UGGT1: variants seen among roughly 807,000 people sequenced by gnomAD.
UGGT1 encodes UDP-glucose glycoprotein glucosyltransferase 1, also known as UDP-glucose:glycoprotein glucosyltransferase 1.
Under a neutral mutation model 203.9 loss-of-function variants are expected in UGGT1, and 107 were observed. The ratio of observed to expected loss-of-function variants is 0.52; its 90% CI spans 0.45 to 0.62. UGGT1 has a LOEUF of 0.62. UGGT1 is among the 20% of genes least tolerant of loss of function. UGGT1 has a pLI of 0.00. For missense variants in UGGT1, 1,673 were observed against 1,867.2 expected, an observed-to-expected ratio of 0.90 and a Z score of 1.92; for synonymous variants, 628 against 653.5, an observed-to-expected ratio of 0.96 and a Z score of 0.59.
intron 28 of UGGT1, chr2:128,171,527 AGAT>A: frequency 2.2e-6 from 1 of 461,200 alleles, no homozygotes; most frequent in Non-Finnish European, 3.9e-6. Context: ...CTTTTTTTCG[AGAT>A]GGAGTCTCGC....
In UGGT1 at chr2:128,190,533, C is replaced by G. The variant is rs1424486428; in HGVS notation, c.*791C>G. The G allele has an allele frequency of 6.6e-6, 1 of 152,198 alleles. No individual in the cohort carries two copies. The highest frequency in any genetic ancestry group is 2.4e-5 in the African/African-American group (1 of 41,442). The allele number at this position is 152,198 out of a possible 1,614,324, so 9.4% of individuals were successfully genotyped here. On this transcript the variant is annotated 3_prime_UTR_variant, in exon 41 of 41. Transcript: ENST00000259253. ...TCCCCACCCAACCGCAGTGAACTTT[C>G]TAGGTAATTGTTTTGAAAACAATTT...
intron 2 of UGGT1, 148 bp downstream of exon 2, chr2:128,097,712 C>T (rs1435490008): frequency 1.9e-6 from 2 of 1,065,968 alleles, no homozygotes; most frequent in Admixed American, 2.7e-5. Flanking sequence ...ATGTATTGTA[C>T]AAAGGCTGTT....
At chr2:128,123,141 T>A (rs769470941) in intron 10 of UGGT1, 45 bp from the exon 11 acceptor site, 2 of 1,467,652 alleles carry the variant, frequency 1.4e-6, no homozygotes, top group South Asian at 2.5e-5. Context: ...GAAGACTTTA[T>A]ATCAAATATT....
Position 128,190,737 on chromosome 2 carries a change from TTC to T in UGGT1, c.*1000_*1001del, listed in dbSNP as rs1692220363. On this transcript the variant is annotated 3_prime_UTR_variant, in exon 41 of 41. Coordinates refer to ENST00000259253, the MANE Select transcript of UGGT1 (RefSeq NM_020120.4). ...GTCTGCCCTCTTTTGCGTAGGATTT[TTC>T]TCTCAGACCCAGGGGACATTGCCTT... The T allele has an allele frequency of 1.3e-5, 2 of 152,276 alleles. No individual in the cohort carries two copies. 9.4% of individuals were successfully genotyped at this position (152,276 alleles called of 1,614,324 possible).
At chr2:128,174,040 T>A in intron 30 of UGGT1, 101 bp downstream of exon 30, 2 of 1,355,214 alleles carry the variant, frequency 1.5e-6, no homozygotes, top group Non-Finnish European at 2.0e-6. Context: ...AGAGTGAGAT[T>A]AAAATTCATT....
At chr2:128,116,152 G>A (rs535768752) in intron 7 of UGGT1, 113 bp from the exon 8 acceptor site, 16 of 631,806 alleles carry the variant, frequency 2.5e-5, no homozygotes, top group Non-Finnish European at 4.3e-5. Context: ...ATAATTTCAG[G>A]GGTTTCTGAT....
intron 19 of UGGT1, 91 bp downstream of exon 19, chr2:128,152,995 T>C: frequency 6.4e-7 from 1 of 1,573,858 alleles, no homozygotes; most frequent in Non-Finnish European, 8.6e-7. Context: ...CTGATTATCT[T>C]CTGCAGTGTT....
chr2:128,119,964 A>T (rs1471710090), intron 8 of UGGT1, among the ~76,000 whole-genome samples: 4 of 151,444 alleles, frequency 2.6e-5, no homozygotes, highest in Non-Finnish European at 5.9e-5. Context: ...TTTTTAAGAG[A>T]CAAGGTCTTG....
Position 128,192,254 on chromosome 2 carries a change from C to CTCCTCCTGCCAGTTT in UGGT1, c.*2514_*2528dup, listed in dbSNP as rs1368298199. On this transcript the variant is annotated 3_prime_UTR_variant, in exon 41 of 41. Transcript: ENST00000259253. ...GCTTCCAGAATGGCCTAGGACCCTC[C>CTCCTCCTGCCAGTTT]TCCTCCTGCCAGTTTTTTTTTTTTT... 1 of 149,572 alleles carries CTCCTCCTGCCAGTTT rather than the reference C, an allele frequency of 6.7e-6. No individual in the cohort carries two copies. The highest frequency in any genetic ancestry group is 1.5e-5 in the Non-Finnish European group (1 of 67,700). 9.3% of individuals were successfully genotyped at this position (149,572 alleles called of 1,614,324 possible).
chr2:128,177,761 T>C, intron 32 of UGGT1, 71 bp from the exon 33 acceptor site: 2 of 1,272,844 alleles, frequency 1.6e-6, no homozygotes, highest in Non-Finnish European at 2.2e-6. Flanking sequence ...GCTCACAGTG[T>C]ATATCCAGTG....
At position 128,116,207 on chromosome 2, in the gene UGGT1, C is replaced by A. The variant is rs183218843; in HGVS notation, c.794-58C>A. On this transcript the variant is annotated intron_variant, in intron 7 of 40. Transcript: ENST00000259253. ...TTTATGAAGTTTATGAGACTAGTAA[C>A]GTTTTTGTTTCAAATCTGAGCAATT... 1.3e-4 allele frequency: 151 copies of A among 1,141,138 alleles called. 2 individuals carry two copies. The South Asian group carries it at 2.0e-3, about 15-fold the overall frequency. The allele number at this position is 1,141,138 out of a possible 1,614,324, so 70.7% of individuals were successfully genotyped here.
chr2:128,157,497 C>G, intron 22 of UGGT1, 151 bp downstream of exon 22: 3 of 592,734 alleles, frequency 5.1e-6, no homozygotes, highest in Non-Finnish European at 5.9e-6. Context: ...TAGAGATCTG[C>G]CAGCTCTCAA....
chr2:128,115,346 C>T (rs1688049528), intron 7 of UGGT1, 126 bp downstream of exon 7: 2 of 787,446 alleles, frequency 2.5e-6, no homozygotes, highest in Admixed American at 2.4e-5. Context: ...GGTTCTGTTA[C>T]ACCTGAGTGG....
intron 16 of UGGT1, among the ~76,000 whole-genome samples, chr2:128,142,663 C>T (rs1689495376): frequency 6.6e-6 from 1 of 150,742 alleles, no homozygotes; most frequent in Admixed American, 6.6e-5. Context: ...GGAAGAATTG[C>T]TAACATGTCC....
chr2:128,144,776 T>A (rs1689600136), intron 17 of UGGT1, among the ~76,000 whole-genome samples: 1 of 152,242 alleles, frequency 6.6e-6, no homozygotes, highest in South Asian at 2.1e-4. Flanking sequence ...CTGTTACCGA[T>A]GACTCGGATT....
At chr2:128,139,357 T>C (rs1232938230) in intron 16 of UGGT1, among the ~76,000 whole-genome samples, 1 of 152,226 alleles carries the variant, frequency 6.6e-6, no homozygotes, top group Non-Finnish European at 1.5e-5. Flanking sequence ...TAGCTGGGAT[T>C]ACGGCCGTGC....
intron 3 of UGGT1, among the ~76,000 whole-genome samples, chr2:128,105,240 G>A (rs1687551752): frequency 6.8e-6 from 1 of 147,332 alleles, no homozygotes; most frequent in Non-Finnish European, 1.5e-5. Context: ...TTTAAAAATT[G>A]TCTGAATCTT....
chr2:128,126,503 A>G (rs1688607681), intron 11 of UGGT1, among the ~76,000 whole-genome samples: 2 of 152,218 alleles, frequency 1.3e-5, no homozygotes, highest in East Asian at 3.9e-4. Flanking sequence ...CGGCCTCTCA[A>G]AGTGCTGGGA....
intron 38 of UGGT1, among the ~76,000 whole-genome samples, chr2:128,185,506 C>T (rs1472587087): frequency 1.5e-5 from 2 of 132,594 alleles, no homozygotes; most frequent in South Asian, 2.8e-4. Flanking sequence ...CAAGGTCTCA[C>T]TCTGTCACCC....
Sources: allele counts gnomAD v4.1 joint callset (sites outside exome capture counted in the v4.1 genomes callset), GRCh38; gene constraint gnomAD v4.1.1; transcripts MANE v1.5; gene names NCBI Gene and HGNC (gene_info 2026-07-23, HGNC 2026-07-21).